Variants in KPNA7 observed in about 807,000 individuals in gnomAD.
KPNA7 encodes importin subunit alpha-8.
Under a neutral mutation model 53.7 loss-of-function variants are expected in KPNA7, and 54 were observed. That is an observed-to-expected ratio of 1.01 (90% CI 0.81 to 1.26). The LOEUF (loss-of-function observed/expected upper bound fraction) is 1.26. Among genes scored for constraint, KPNA7 ranks in the 50% most tolerant of loss-of-function variants. KPNA7 has a pLI of 0.00. For missense variants in KPNA7, 640 were observed against 644.5 expected (o/e 0.99, Z 0.07); for synonymous variants, 276 against 259.3 (o/e 1.06, Z -0.62).
At chr7:99,153,805 CA>C in the KPNA7 span, among the ~76,000 whole-genome samples, 1 of 151,036 alleles carries the variant, frequency 6.6e-6, no homozygotes, top group Non-Finnish European at 1.5e-5. Context: ...CTCATCTCTA[CA>C]AAAAAAATAA....
upstream of KPNA7, among the ~76,000 whole-genome samples, chr7:99,212,053 T>C (rs1285833821): frequency 5.3e-5 from 8 of 152,046 alleles, no homozygotes; most frequent in African/African-American, 1.9e-4. Context: ...TCACACAAGT[T>C]GGCTTAAGAC....
intron 1 of KPNA7, among the ~76,000 whole-genome samples, chr7:99,214,910 A>G (rs1285556766): frequency 2.6e-5 from 4 of 152,132 alleles, no homozygotes; most frequent in African/African-American, 9.7e-5. Context: ...TACGCTTCAC[A>G]TGTTGCCAAT....
chr7:99,169,164 ATTT>A (rs1288564634), downstream of KPNA7, among the ~76,000 whole-genome samples: 2 of 151,844 alleles, frequency 1.3e-5, no homozygotes. Flanking sequence ...CAAATAAATA[ATTT>A]TTTAAAATAA....
intron 3 of KPNA7, among the ~76,000 whole-genome samples, chr7:99,202,059 G>A (rs902592551): frequency 2.8e-4 from 42 of 152,042 alleles, no homozygotes; most frequent in African/African-American, 9.7e-4. Context: ...TCTAGGGACT[G>A]CTCCAAACAA....
rs139221110 is a variant in KPNA7 at position 99,197,020 on chromosome 7, A to AAACAACAAC, written c.202-863_202-855dup. Among the ~76,000 whole-genome samples, 222 of 151,028 alleles carry AAACAACAAC rather than the reference A, an allele frequency of 1.5e-3. 1 individual carries two copies. The highest frequency in any genetic ancestry group is 5.0e-3 in the African/African-American group (206 of 40,968). ...TGTATAGGGCTATGCATATGCTTAAAAACAACAACAACAACAACAACAACA... is the reference window on the plus strand; with the variant it reads ...TGTATAGGGCTATGCATATGCTTAAAAACAACAACAACAACAACAACAACAACAACAACA... On this transcript the variant is annotated intron_variant, in intron 3 of 10. Transcript: ENST00000327442.
intron 6 of KPNA7, among the ~76,000 whole-genome samples, chr7:99,192,010 C>G (rs545911102): frequency 6.6e-6 from 1 of 152,194 alleles, no homozygotes; most frequent in African/African-American, 2.4e-5. Flanking sequence ...AATCGAGAAC[C>G]CAGTTCCTAA....
intron 3 of KPNA7, among the ~76,000 whole-genome samples, chr7:99,200,595 T>C (rs35615419): frequency 6.6e-6 from 1 of 152,064 alleles, no homozygotes; most frequent in Non-Finnish European, 1.5e-5. Context: ...GAAGACACCC[T>C]TCCACACAAA....
the KPNA7 span, among the ~76,000 whole-genome samples, chr7:99,166,777 G>A: frequency 0.92 from 139,732 of 152,070 alleles, 64,527 homozygotes; most frequent in East Asian, 1. Flanking sequence ...GTGCCACCAC[G>A]CCCAGCTAAT....
At position 99,182,132 on chromosome 7, in the gene KPNA7, G is replaced by C. The variant is rs1584270205; in HGVS notation, c.1135-67C>G. ...AACCTAAATAGAGGACACCAACTTG[G>C]TTCACTTTCTAGGGAGGCTGGTGAC... On this transcript the variant is annotated intron_variant, in intron 8 of 10. Transcript: ENST00000327442. 5.5e-6 allele frequency: 7 copies of C among 1,271,456 alleles called. No homozygotes were observed. The East Asian group carries it at 1.9e-4, about 34-fold the overall frequency. The allele number at this position is 1,271,456 out of a possible 1,614,324, so 78.8% of individuals were successfully genotyped here. A position where few individuals can be genotyped will look rare whatever the true frequency, so the allele number is the denominator to read the frequency against.
chr7:99,200,499 A>AT (rs1352097767), intron 3 of KPNA7, among the ~76,000 whole-genome samples: 1 of 152,204 alleles, frequency 6.6e-6, no homozygotes, highest in East Asian at 1.9e-4. Context: ...GGACTAGAAG[A>AT]TGCAGACACT....
At chr7:99,173,078 A>AAG (rs1373094464), downstream of KPNA7, among the ~76,000 whole-genome samples, 7 of 151,340 alleles carry the variant, frequency 4.6e-5, no homozygotes, top group Non-Finnish European at 8.8e-5. Flanking sequence ...AAAAAAAAAA[A>AAG]AAAAAAGAAA....
At chr7:99,206,230 G>A (rs180796354) in intron 2 of KPNA7, among the ~76,000 whole-genome samples, 11 of 150,482 alleles carry the variant, frequency 7.3e-5, no homozygotes, top group South Asian at 2.1e-4. Context: ...GCACAATCTC[G>A]ACTCACTGCA....
chr7:99,195,397 C>T (rs990395185), intron 4 of KPNA7, 59 bp from the exon 5 acceptor site: 1 of 1,496,080 alleles, frequency 6.7e-7, no homozygotes, highest in African/African-American at 1.4e-5. Context: ...GTATTAAGGA[C>T]CTCCTTTTAG....
chr7:99,207,593 G>C (rs1790880939), intron 1 of KPNA7, 104 bp from the exon 2 acceptor site: 1 of 355,794 alleles, frequency 2.8e-6, no homozygotes. Flanking sequence ...GTGGAGCAAA[G>C]GGCAGACCCA....
chr7:99,147,644 AC>A, the KPNA7 span, among the ~76,000 whole-genome samples: 1 of 152,016 alleles, frequency 6.6e-6, no homozygotes, highest in African/African-American at 2.4e-5. Context: ...TACAAAAATA[AC>A]CTGGGTGTAG....
At position 99,181,906 on chromosome 7, in the gene KPNA7, C is replaced by T. The variant is rs777050981; in HGVS notation, c.1294G>A (p.Asp432Asn). Residue 432 changes from aspartate to asparagine, a missense_variant, in exon 9 of 11, where the codon GAT (aspartate) becomes AAT (asparagine). By Grantham distance (23) the Asp-to-Asn change is conservative. Coordinates refer to ENST00000327442, the MANE Select transcript of KPNA7 (RefSeq NM_001145715.3). ...ACCTGGAGGATGCAAGAGATGACAT[C>T]AAGGATGATGAGAACAATTTTAACA... ...PDVKIVLIIL[D>N]VISCILQAAE... is the part of the protein sequence containing the mutation. 2 of 1,549,630 alleles carry T rather than the reference C, an allele frequency of 1.3e-6. No individual in the cohort carries two copies.
At chr7:99,152,363 A>AAAAAAAAG in the KPNA7 span, among the ~76,000 whole-genome samples, 16 of 151,710 alleles carry the variant, frequency 1.1e-4, no homozygotes, top group African/African-American at 3.9e-4. Flanking sequence ...GTCTCAAAAA[A>AAAAAAAAG]AAAAAGAAAA....
upstream of KPNA7, among the ~76,000 whole-genome samples, chr7:99,210,556 C>A (rs1444818284): frequency 6.6e-6 from 1 of 152,046 alleles, no homozygotes; most frequent in Non-Finnish European, 1.5e-5. Flanking sequence ...CAAGTTTGAA[C>A]TTTTTTTAAA....
chr7:99,190,301 C>T (rs1789869389), intron 6 of KPNA7, among the ~76,000 whole-genome samples: 1 of 147,386 alleles, frequency 6.8e-6, no homozygotes, highest in South Asian at 2.1e-4. Context: ...TGCACCACTG[C>T]ACTCCAGCCT....
Sources: gnomAD v4.1 joint callset for allele counts (sites outside exome capture counted in the v4.1 genomes callset) on GRCh38, gnomAD v4.1.1 for gene constraint, MANE v1.5 for transcripts, NCBI Gene and HGNC (gene_info 2026-07-23, HGNC 2026-07-21) for gene names.